BMAL1: variants seen among roughly 807,000 people sequenced by gnomAD.
The protein encoded by BMAL1 is basic helix-loop-helix ARNT like 1, also known as basic helix-loop-helix ARNT-like protein 1.
the BMAL1 span, chr11:13,374,353 C>G: frequency 1.5e-6 from 1 of 685,366 alleles, no homozygotes; most frequent in East Asian, 2.7e-5. Flanking sequence ...GAAGAGGAAG[C>G]TGATACCTGC....
chr11:13,303,830 G>T, the BMAL1 span, among the ~76,000 whole-genome samples: 1 of 152,214 alleles, frequency 6.6e-6, no homozygotes, highest in Admixed American at 6.5e-5. Context: ...GGGAGGCTGG[G>T]AAAGGAAGTC....
At chr11:13,353,085 G>T in the BMAL1 span, 1 of 152,206 alleles carries the variant, frequency 6.6e-6, no homozygotes, top group Admixed American at 6.5e-5. Flanking sequence ...GACAGTGGGG[G>T]GAAAACAGGC....
At chr11:13,337,490 G>A in the BMAL1 span, among the ~76,000 whole-genome samples, 1 of 152,122 alleles carries the variant, frequency 6.6e-6, no homozygotes, top group South Asian at 2.1e-4. Flanking sequence ...AAGAGATGAT[G>A]TTCTTAAACA....
chr11:13,319,010 T>C, the BMAL1 span, among the ~76,000 whole-genome samples: 1 of 152,176 alleles, frequency 6.6e-6, no homozygotes, highest in African/African-American at 2.4e-5. Context: ...TCCTGGACTT[T>C]TGCATTTGCT....
the BMAL1 span, among the ~76,000 whole-genome samples, chr11:13,375,021 C>G: frequency 2.0e-5 from 3 of 152,186 alleles, no homozygotes; most frequent in Non-Finnish European, 4.4e-5. Context: ...TTCTTCCCTC[C>G]CTCCTTCTCT....
At chr11:13,278,909 C>T in the BMAL1 span, among the ~76,000 whole-genome samples, 94,299 of 152,104 alleles carry the variant, frequency 0.62, 30,125 homozygotes, top group Non-Finnish European at 0.7. Flanking sequence ...TGAACGTCGA[C>T]CTTGTGGGGC....
chr11:13,339,400 G>A, the BMAL1 span, among the ~76,000 whole-genome samples: 2,838 of 147,630 alleles, frequency 0.019, 48 homozygotes, highest in Non-Finnish European at 0.029. Context: ...TGTTGTAGCC[G>A]TCTCCTAACT....
the BMAL1 span, among the ~76,000 whole-genome samples, chr11:13,303,518 A>G: frequency 6.6e-6 from 1 of 152,154 alleles, no homozygotes; most frequent in Non-Finnish European, 1.5e-5. Context: ...TAACAAACAA[A>G]CCCCCAAATC....
chr11:13,284,261 TATA>T, the BMAL1 span, among the ~76,000 whole-genome samples: 4 of 23,792 alleles, frequency 1.7e-4, no homozygotes, highest in Admixed American at 3.2e-4. Context: ...TATATATATA[TATA>T]TATTTTTTTT....
At chr11:13,385,581 ACTG>A in the BMAL1 span, 1 of 724,576 alleles carries the variant, frequency 1.4e-6, no homozygotes, top group Non-Finnish European at 2.4e-6. Context: ...CCAATAGAAA[ACTG>A]AAGCCATTTG....
At chr11:13,331,802 G>A in the BMAL1 span, among the ~76,000 whole-genome samples, 1 of 152,164 alleles carries the variant, frequency 6.6e-6, no homozygotes, top group African/African-American at 2.4e-5. Context: ...AGCCGGAGTG[G>A]GCTTTGGGGA....
At chr11:13,359,031 G>A in the BMAL1 span, among the ~76,000 whole-genome samples, 1 of 152,212 alleles carries the variant, frequency 6.6e-6, no homozygotes, top group Non-Finnish European at 1.5e-5. Context: ...TGAGTCATGG[G>A]TTGTGGGTTC....
At chr11:13,284,246 A>ATATATATGTG in the BMAL1 span, among the ~76,000 whole-genome samples, 3 of 11,280 alleles carry the variant, frequency 2.7e-4, no homozygotes, top group African/African-American at 1.2e-3. Flanking sequence ...ATATATATAT[A>ATATATATGTG]TATATATATA....
At chr11:13,298,975 C>T in the BMAL1 span, among the ~76,000 whole-genome samples, 1 of 152,178 alleles carries the variant, frequency 6.6e-6, no homozygotes, top group African/African-American at 2.4e-5. Flanking sequence ...ATTTGTATCT[C>T]AGGCGGTCTG....
At chr11:13,386,765 T>C in the BMAL1 span, 2 of 1,612,790 alleles carry the variant, frequency 1.2e-6, no homozygotes, top group Non-Finnish European at 1.7e-6. Flanking sequence ...AAACACTACA[T>C]GTTGCTTTGG....
chr11:13,357,566 A>G, the BMAL1 span, among the ~76,000 whole-genome samples: 1 of 152,102 alleles, frequency 6.6e-6, no homozygotes, highest in Non-Finnish European at 1.5e-5. This position sits in a 1 kb window ranked among gnomAD's most constrained non-coding sequence, Gnocchi z 4.8. Flanking sequence ...CTCCAGCCAC[A>G]CTTGCTGACC....
At chr11:13,339,950 T>C in the BMAL1 span, among the ~76,000 whole-genome samples, 2 of 152,216 alleles carry the variant, frequency 1.3e-5, no homozygotes, top group East Asian at 3.9e-4. Context: ...GGCACTTGGA[T>C]GCCCTCAGTA....
At chr11:13,343,387 T>C in the BMAL1 span, among the ~76,000 whole-genome samples, 1 of 152,204 alleles carries the variant, frequency 6.6e-6, no homozygotes. Flanking sequence ...AAATCAGCCC[T>C]GTTGAAAGAG....
chr11:13,302,725 C>T, the BMAL1 span, among the ~76,000 whole-genome samples: 65 of 152,288 alleles, frequency 4.3e-4, 1 homozygote, highest in Admixed American at 1.6e-3. Flanking sequence ...GGGTGGTGCT[C>T]GCTCCACAAG....
Sources: allele counts gnomAD v4.1 joint callset (sites outside exome capture counted in the v4.1 genomes callset), GRCh38; gene constraint gnomAD v4.1.1; non-coding constraint Gnocchi (gnomAD v3.1); transcripts MANE v1.5; gene names NCBI Gene and HGNC (gene_info 2026-07-23, HGNC 2026-07-21).